The following RILPL1 variants were observed in gnomAD, a reference collection of about 807,000 sequenced individuals.
RILPL1 encodes the protein Rab interacting lysosomal protein like 1.
RILPL1 carries 33 observed loss-of-function variants against 50.3 expected under a neutral mutation model. The ratio of observed to expected loss-of-function variants is 0.66; its 90% CI spans 0.50 to 0.88. The LOEUF is 0.88. Among genes scored for constraint, RILPL1 ranks in the 40% least tolerant of loss-of-function variants. The pLI is 0.00. For synonymous variants in RILPL1, 205 were observed against 228.6 expected, an observed-to-expected ratio of 0.90 and a Z score of 0.93; for missense variants, 418 against 542.5, an observed-to-expected ratio of 0.77 and a Z score of 2.28.
At chr12:123,484,861 TGTTGCC>T in intron 5 of RILPL1, 1 of 258,266 alleles carries the variant, frequency 3.9e-6, no homozygotes, top group Non-Finnish European at 7.9e-6. Flanking sequence ...GGTCCCACTA[TGTTGCC>T]CAGGCTGGTT....
At chr12:123,487,704 A>G (rs1326759857) in intron 4 of RILPL1, among the ~76,000 whole-genome samples, 1 of 151,870 alleles carries the variant, frequency 6.6e-6, no homozygotes, top group African/African-American at 2.4e-5. Flanking sequence ...AGTGGTTTCC[A>G]CTCTTTGGCT....
chr12:123,480,027 C>T (rs1881855644), intron 6 of RILPL1, among the ~76,000 whole-genome samples: 1 of 152,024 alleles, frequency 6.6e-6, no homozygotes, highest in African/African-American at 2.4e-5. Flanking sequence ...GAAAGGGGCC[C>T]AGAGTAGAAA....
In RILPL1 at chr12:123,533,467, C is replaced by T. The variant is rs1017247677; in HGVS notation, c.16G>A (p.Gly6Arg). The T allele has an allele frequency of 4.6e-6, 7 of 1,526,986 alleles. No individual in the cohort carries two copies. The African/African-American group carries it at 9.6e-5, about 21-fold the overall frequency. 94.6% of individuals were successfully genotyped at this position (1,526,986 alleles called of 1,614,324 possible). ...GCCGACTCGGCCGCCAGCGCCGACC[C>T]CCGCTCCTCCTCCATGGCCACCCTC... MEEERGSALAAESALE... is the reference protein window; with the variant it reads MEEERRSALAAESALE... Residue 6 changes from glycine to arginine, a missense_variant, in exon 1 of 7, where the codon GGG (glycine) becomes AGG (arginine). Gly to Arg is a moderately radical substitution (Grantham distance 125). Transcript: ENST00000376874. This position sits in a 1 kb window ranked among gnomAD's most constrained non-coding sequence, Gnocchi z 6.2.
chr12:123,493,144 C>G (rs1593551475), intron 4 of RILPL1, among the ~76,000 whole-genome samples: 1 of 152,184 alleles, frequency 6.6e-6, no homozygotes, highest in African/African-American at 2.4e-5. Flanking sequence ...GGTATAAAAC[C>G]CGATTGTACG....
chr12:123,519,098 A>C (rs994521367), intron 2 of RILPL1, among the ~76,000 whole-genome samples: 13 of 150,256 alleles, frequency 8.7e-5, no homozygotes, highest in African/African-American at 3.2e-4. Flanking sequence ...AAATTACTTC[A>C]TCTGTTTTAC....
In RILPL1 at chr12:123,498,956, G is replaced by A. The variant is rs1883198651; in HGVS notation, c.580-191C>T. Among the ~76,000 whole-genome samples the A allele has an allele frequency of 6.6e-6, 1 of 152,216 alleles. No homozygotes were observed. Among genetic ancestry groups the A allele is most frequent in the Admixed American group, 6.5e-5 (1 of 15,282 alleles). The stretch of plus-strand genomic sequence containing the variant: ...GTGTATTTTCTATGATAATTTTATG[G>A]CAGATGGAAGGGTGTCTTGCTAGAA... On this transcript the variant is annotated intron_variant, in intron 3 of 6. Coordinates refer to ENST00000376874, the MANE Select transcript of RILPL1 (RefSeq NM_178314.5). This position sits in a 1 kb window ranked among gnomAD's most constrained non-coding sequence, Gnocchi z 4.3.
At chr12:123,473,627 C>T (rs529904621) in intron 6 of RILPL1, 1 of 152,034 alleles carries the variant, frequency 6.6e-6, no homozygotes, top group East Asian at 1.9e-4. Flanking sequence ...ATGGTGAAAG[C>T]CTTTAGGCCG....
intron 6 of RILPL1, among the ~76,000 whole-genome samples, chr12:123,477,046 A>G (rs1038300650): frequency 6.6e-6 from 1 of 152,244 alleles, no homozygotes; most frequent in African/African-American, 2.4e-5. Flanking sequence ...GGGGCCAGGC[A>G]GGACGAGGGC....
chr12:123,492,386 T>C (rs1344261684), intron 4 of RILPL1, among the ~76,000 whole-genome samples: 1 of 151,958 alleles, frequency 6.6e-6, no homozygotes, highest in East Asian at 1.9e-4. Context: ...AACAGGTAAA[T>C]ACACAGAGGG....
At chr12:123,487,083 GC>G (rs770253586) in intron 4 of RILPL1, among the ~76,000 whole-genome samples, 26 of 152,130 alleles carry the variant, frequency 1.7e-4, no homozygotes, top group Non-Finnish European at 3.7e-4. Flanking sequence ...ACAGGTGTGA[GC>G]CACCGCACCC....
At chr12:123,487,439 T>C (rs1882417228) in intron 4 of RILPL1, among the ~76,000 whole-genome samples, 1 of 152,114 alleles carries the variant, frequency 6.6e-6, no homozygotes, top group Non-Finnish European at 1.5e-5. Flanking sequence ...AGTAGCTAGC[T>C]GGGAATACAG....
intron 1 of RILPL1, among the ~76,000 whole-genome samples, chr12:123,528,503 C>G (rs1001778376): frequency 6.6e-6 from 1 of 151,190 alleles, no homozygotes. Flanking sequence ...TCTCGGCTCA[C>G]TGCAAGCTCC....
chr12:123,491,030 G>C lies in RILPL1; in HGVS notation c.802-5225C>G, dbSNP rs1019579233. 6.6e-6 allele frequency among the ~76,000 whole-genome samples: 1 copy of C among 152,172 alleles called. No individual in the cohort carries two copies. Among genetic ancestry groups the C allele is most frequent in the Admixed American group, 6.5e-5 (1 of 15,270 alleles). On this transcript the variant is annotated intron_variant, in intron 4 of 6. Transcript: ENST00000376874. The surrounding 1 kb of genome is among the most constrained non-coding windows in gnomAD (Gnocchi z 4.0). ...CTCCCAAAGTGTTGGGATTACAGGC[G>C]TGAGCCACCATGCCCGCCCTGACTT...
At chr12:123,514,806 T>C (rs13302920) in intron 2 of RILPL1, among the ~76,000 whole-genome samples, 1 of 152,142 alleles carries the variant, frequency 6.6e-6, no homozygotes, top group East Asian at 1.9e-4. Flanking sequence ...AATGATATAC[T>C]ACATGCTACT....
intron 6 of RILPL1, chr12:123,474,012 G>A (rs1047583387): frequency 6.6e-6 from 1 of 152,116 alleles, no homozygotes; most frequent in Non-Finnish European, 1.5e-5. Flanking sequence ...AGCATCCTGA[G>A]TAGCTGGGAT....
chr12:123,519,349 G>A (rs1233713953), intron 2 of RILPL1: 4 of 152,258 alleles, frequency 2.6e-5, no homozygotes, highest in South Asian at 4.1e-4. Context: ...AAGTTTCTGC[G>A]CGCTGCCCTC....
At chr12:123,524,655 G>A (rs1270764215) in intron 1 of RILPL1, among the ~76,000 whole-genome samples, 1 of 152,162 alleles carries the variant, frequency 6.6e-6, no homozygotes, top group Non-Finnish European at 1.5e-5. Flanking sequence ...AAAACATTAT[G>A]GAAAGAAGCC....
chr12:123,527,466 C>CT (rs1409104934), intron 1 of RILPL1, among the ~76,000 whole-genome samples: 17 of 152,034 alleles, frequency 1.1e-4, no homozygotes, highest in Non-Finnish European at 5.9e-5. Context: ...CAGCAAAACT[C>CT]TGTCTACTAA....
rs1049547183 is a variant in RILPL1, at chr12:123,491,150, C to T, written c.802-5345G>A. On this transcript the variant is annotated intron_variant, in intron 4 of 6. Transcript: ENST00000376874. The surrounding 1 kb of genome is among the most constrained non-coding windows in gnomAD (Gnocchi z 4.0). ...GCAGTGACCGCAGGGCCACGGGCAG[C>T]CCAGGACTATCCGGTTCAGACTGGG... is the stretch of plus-strand genomic sequence containing the variant. 3.3e-5 allele frequency among the ~76,000 whole-genome samples: 5 copies of T among 152,218 alleles called. No individual in the cohort carries two copies. Among genetic ancestry groups the T allele is most frequent in the African/African-American group, 1.2e-4 (5 of 41,458 alleles).
Sources: gnomAD v4.1 joint callset for allele counts (sites outside exome capture counted in the v4.1 genomes callset) on GRCh38, gnomAD v4.1.1 for gene constraint, Gnocchi (gnomAD v3.1) non-coding constraint, MANE v1.5 for transcripts, NCBI Gene and HGNC (gene_info 2026-07-23, HGNC 2026-07-21) for gene names.